Variants in CLYBL observed in about 807,000 individuals in gnomAD.
The protein encoded by CLYBL is citramalyl-CoA lyase, mitochondrial.
In CLYBL, 31 loss-of-function variants were observed where a neutral mutation model predicts 38.9. The ratio of observed to expected loss-of-function variants is 0.80; its 90% CI spans 0.60 to 1.08. CLYBL has a LOEUF of 1.08. Among genes scored for constraint, CLYBL ranks in the 50% least tolerant of loss-of-function variants. CLYBL has a pLI of 0.00. For missense variants in CLYBL, 434 were observed against 411.6 expected (o/e 1.05, Z -0.47); for synonymous variants, 171 against 158.6 (o/e 1.08, Z -0.59).
At chr13:99,680,883 A>C (rs2047724711) in intron 1 of CLYBL, among the ~76,000 whole-genome samples, 1 of 152,146 alleles carries the variant, frequency 6.6e-6, no homozygotes, top group Admixed American at 6.5e-5. Flanking sequence ...TAAACAAACT[A>C]CCTAGTTGAT....
chr13:99,831,521 A>T (rs924729558), intron 2 of CLYBL, among the ~76,000 whole-genome samples: 1 of 152,168 alleles, frequency 6.6e-6, no homozygotes, highest in Admixed American at 6.5e-5. Flanking sequence ...CTATGCAACA[A>T]ACCTGCACAT....
At chr13:99,660,514 G>T (rs1465154344) in intron 1 of CLYBL, among the ~76,000 whole-genome samples, 1 of 152,096 alleles carries the variant, frequency 6.6e-6, no homozygotes, top group Admixed American at 6.5e-5. Context: ...AGTTGCCCCT[G>T]CATCTACCCA....
At chr13:99,626,752 A>C (rs2046875216) in intron 1 of CLYBL, among the ~76,000 whole-genome samples, 1 of 152,110 alleles carries the variant, frequency 6.6e-6, no homozygotes, top group Non-Finnish European at 1.5e-5. Flanking sequence ...CTTAATGAGA[A>C]ACTTCAAACA....
intron 1 of CLYBL, among the ~76,000 whole-genome samples, chr13:99,685,351 A>G (rs1360724263): frequency 6.6e-6 from 1 of 152,232 alleles, no homozygotes; most frequent in African/African-American, 2.4e-5. Context: ...TAGAACTAAT[A>G]AAAAATTAAA....
intron 1 of CLYBL, among the ~76,000 whole-genome samples, chr13:99,706,942 A>G (rs918613354): frequency 9.2e-5 from 14 of 152,166 alleles, no homozygotes; most frequent in Non-Finnish European, 1.6e-4. Flanking sequence ...AGCCAGGACT[A>G]CAGGTGCCGT....
In CLYBL at chr13:99,862,007, G is replaced by T. The variant is rs571622991; in HGVS notation, c.439-984G>T. ...ATGATTACAGTACAAAGCTTATAGG[G>T]TCTTGAAACCCCCTTTGAAGATGAA... is the stretch of plus-strand genomic sequence containing the variant. On this transcript the variant is annotated intron_variant, in intron 3 of 8. Transcript: ENST00000339105. Among the ~76,000 whole-genome samples, 12 of 152,126 alleles carry T rather than the reference G, an allele frequency of 7.9e-5. No individual in the cohort carries two copies. The South Asian group carries it at 2.5e-3, about 32-fold the overall frequency.
chr13:99,784,564 C>T lies in CLYBL; in HGVS notation c.249+11554C>T, dbSNP rs140523798. ...CTACCTCCTGGGTTCAAGCAATTCT[C>T]GTGCCTCAGCCTCCCGAGTAGCTAG... On this transcript the variant is annotated intron_variant, in intron 2 of 8. Coordinates refer to ENST00000339105, the MANE Select transcript of CLYBL (RefSeq NM_206808.5). Among the ~76,000 whole-genome samples the T allele has an allele frequency of 3.8e-4, 56 of 149,172 alleles. No individual in the cohort carries two copies. The East Asian group carries it at 9.1e-3, about 24-fold the overall frequency.
At chr13:99,707,646 A>G (rs1223601312) in intron 1 of CLYBL, among the ~76,000 whole-genome samples, 8 of 152,184 alleles carry the variant, frequency 5.3e-5, no homozygotes, top group Non-Finnish European at 1.0e-4. Flanking sequence ...TTGAAACACT[A>G]GTTACTAGAA....
At chr13:99,701,247 C>T (rs559402702) in intron 1 of CLYBL, among the ~76,000 whole-genome samples, 18 of 152,290 alleles carry the variant, frequency 1.2e-4, no homozygotes, top group African/African-American at 3.6e-4. Flanking sequence ...AATGTTACCT[C>T]TTTATATATA....
intron 2 of CLYBL, among the ~76,000 whole-genome samples, chr13:99,806,559 A>G (rs77395534): frequency 0.025 from 3,847 of 152,288 alleles, 96 homozygotes; most frequent in East Asian, 0.081. Context: ...GGGCAAGTTA[A>G]TATTTCATTT....
intron 1 of CLYBL, among the ~76,000 whole-genome samples, chr13:99,705,261 G>T (rs921470883): frequency 8.7e-5 from 13 of 150,038 alleles, no homozygotes; most frequent in Non-Finnish European, 1.9e-4. Flanking sequence ...ACACACACAC[G>T]CAAGAATATT....
chr13:99,894,631 G>C (rs902872072), downstream of CLYBL: 7 of 149,482 alleles, frequency 4.7e-5, no homozygotes, highest in Non-Finnish European at 1.0e-4. Context: ...GCCCCGTCAC[G>C]GGAAAATGAA....
At chr13:99,703,171 G>T (rs991620394) in intron 1 of CLYBL, among the ~76,000 whole-genome samples, 1 of 152,090 alleles carries the variant, frequency 6.6e-6, no homozygotes, top group African/African-American at 2.4e-5. Flanking sequence ...GTGTTTCCGG[G>T]GCTGGGCACG....
Position 99,891,347 on chromosome 13 carries a change from C to A in CLYBL, c.957C>A (p.Ile319=). The A allele has an allele frequency of 9.9e-6, 16 of 1,613,656 alleles. No homozygotes were observed. The highest frequency in any genetic ancestry group is 1.4e-5 in the Non-Finnish European group (16 of 1,179,668). ...KGAFTFQGSM[I]DMPLLKQAQN... is the part of the protein sequence containing the mutation. ...CCTTTACTTTCCAAGGGAGTATGAT[C>A]GACATGCCATTACTGAAGCAGGCCC... Residue 319 remains isoleucine (I), a synonymous_variant, in exon 8 of 9, where the codon ATC becomes ATA. Transcript: ENST00000339105.
chr13:99,858,938 C>T lies in CLYBL; in HGVS notation c.327C>T (p.Asn109=). The T allele has an allele frequency of 6.2e-7, 1 of 1,614,064 alleles. No individual in the cohort carries two copies. Among genetic ancestry groups the T allele is most frequent in the Non-Finnish European group, 8.5e-7 (1 of 1,179,956 alleles). ...CTACTGAAAAATGTGTGAGAGTCAA[C>T]TCAGTTTCCAGTGGTCTGGCGGAAG... ...LGPTEKCVRV[N]SVSSGLAEED... The change falls in exon 3 of 9, where the codon AAC becomes AAT. Residue 109 remains asparagine, a synonymous_variant. Transcript: ENST00000339105.
downstream of CLYBL, chr13:99,894,926 CG>C (rs1182379021): frequency 5.3e-5 from 8 of 152,130 alleles, no homozygotes; most frequent in Non-Finnish European, 1.2e-4. Context: ...TCTCGGCATC[CG>C]GGAGCGTTCC....
At chr13:99,781,971 T>C (rs947155819) in intron 2 of CLYBL, among the ~76,000 whole-genome samples, 8 of 152,254 alleles carry the variant, frequency 5.3e-5, no homozygotes, top group Admixed American at 2.6e-4. Flanking sequence ...TCGCACTGTA[T>C]GCGTTATTTT....
downstream of CLYBL, chr13:99,896,718 G>A (rs2052584939): frequency 6.6e-6 from 1 of 152,244 alleles, no homozygotes; most frequent in Non-Finnish European, 1.5e-5. Flanking sequence ...CTTTATGGTA[G>A]CTTTTTGGTT....
At chr13:99,890,375 T>C (rs948549842) in intron 7 of CLYBL, among the ~76,000 whole-genome samples, 1 of 152,222 alleles carries the variant, frequency 6.6e-6, no homozygotes, top group Non-Finnish European at 1.5e-5. Flanking sequence ...AATGAGTCTG[T>C]AAAATGGGAC....
Sources: allele counts gnomAD v4.1 joint callset (sites outside exome capture counted in the v4.1 genomes callset), GRCh38; gene constraint gnomAD v4.1.1; transcripts MANE v1.5; gene names NCBI Gene and HGNC (gene_info 2026-07-23, HGNC 2026-07-21).